The following NUP214 variants were observed in gnomAD, a reference collection of about 807,000 sequenced individuals.
The protein encoded by NUP214 is nucleoporin 214.
NUP214 carries 79 observed loss-of-function variants against 196.2 expected under a neutral mutation model. The ratio of observed to expected loss-of-function variants is 0.40; its 90% confidence interval spans 0.34 to 0.49. The LOEUF is 0.49. Among genes scored for constraint, NUP214 ranks in the 20% least tolerant of loss-of-function variants. NUP214 has a pLI of 0.58. For synonymous variants in NUP214, 1,020 were observed against 990.5 expected, an observed-to-expected ratio of 1.03 and a Z score of -0.56; for missense variants, 2,468 against 2,539.0, an observed-to-expected ratio of 0.97 and a Z score of 0.60.
chr9:131,223,881 C>T (rs1321803234), intron 32 of NUP214, among the ~76,000 whole-genome samples: 2 of 150,262 alleles, frequency 1.3e-5, no homozygotes, highest in East Asian at 2.0e-4. Context: ...ACTACAGGCG[C>T]CCGCCACCAC....
At position 131,127,586 on chromosome 9, in the gene NUP214, G is replaced by T. The variant is rs1831401386; in HGVS notation, c.108G>T (p.Lys36Asn). 6.2e-7 allele frequency: 1 copy of T among 1,614,134 alleles called. No homozygotes were observed. Among genetic ancestry groups the T allele is most frequent in the Non-Finnish European group, 8.5e-7 (1 of 1,179,988 alleles). ...TTGACTCCCCTGAGGAATTGCCCAA[G>T]GAACGCTCGAGTCTGCTTGCTGTGT... ...RIFDSPEELPKERSSLLAVSN... is the reference protein window; with the variant it reads ...RIFDSPEELPNERSSLLAVSN... The change falls in exon 2 of 36, where the codon AAG becomes AAT. Residue 36 changes from lysine to asparagine, a missense_variant. Coordinates refer to ENST00000359428, the MANE Select transcript of NUP214 (RefSeq NM_005085.4).
chr9:131,144,411 G>T lies in NUP214; in HGVS notation c.1426G>T (p.Gly476Cys), dbSNP rs1832018623. The change falls in exon 12 of 36, where the codon GGT (glycine) becomes TGT (cysteine). Residue 476 changes from glycine to cysteine, a missense_variant. Gly to Cys is a radical substitution (Grantham distance 159, BLOSUM62 -3). This residue lies in a region of NUP214 where 1,801 missense variants were observed against 1,779.4 expected (regional missense o/e 1.01). Coordinates refer to ENST00000359428, the MANE Select transcript of NUP214 (RefSeq NM_005085.4). ...TGCCACTTTTTCTTTGCTTCCTGCT[G>T]GTGGAGCCCCCACTGTGTTCTCCTT... ...PIATFSLLPA[G>C]GAPTVFSFGS... The T allele has an allele frequency of 6.2e-7, 1 of 1,613,956 alleles. No individual in the cohort carries two copies. Among genetic ancestry groups the T allele is most frequent in the South Asian group, 1.1e-5 (1 of 91,078 alleles).
In NUP214 at chr9:131,129,297, C is replaced by G. The variant is rs768509514; in HGVS notation, c.412C>G (p.Pro138Ala). 9.9e-6 allele frequency: 16 copies of G among 1,613,910 alleles called. No individual in the cohort carries two copies. The highest frequency in any genetic ancestry group is 1.4e-5 in the Non-Finnish European group (16 of 1,180,000). The change falls in exon 4 of 36, where the codon CCA (proline) becomes GCA (alanine). Residue 138 changes from proline (P) to alanine (A), a missense_variant. Pro to Ala is a conservative substitution (Grantham distance 27). Around this residue, in one of 5 missense-constraint regions of NUP214, gnomAD observed 392 missense variants for 417.9 expected, o/e 0.94. Coordinates refer to ENST00000359428, the MANE Select transcript of NUP214 (RefSeq NM_005085.4). ...TTAAAAGGCTAAACAGCAAAAACGC[C>G]CATTTGCCTATCATAAGCTTTTGAA... is the stretch of plus-strand genomic sequence containing the variant. ...FSNEAKQQKR[P>A]FAYHKLLKDA...
At chr9:131,205,430 G>A (rs1834050710) in intron 30 of NUP214, among the ~76,000 whole-genome samples, 1 of 152,292 alleles carries the variant, frequency 6.6e-6, no homozygotes, top group South Asian at 2.1e-4. Flanking sequence ...AAACCATTTG[G>A]CAGTATCAAA....
chr9:131,166,940 A>C (rs911152114), intron 21 of NUP214: 1 of 152,174 alleles, frequency 6.6e-6, no homozygotes, highest in Non-Finnish European at 1.5e-5. Context: ...TTATTCCTAA[A>C]TATTTCAGCA....
chr9:131,179,138 T>C (rs1449438382), intron 24 of NUP214, among the ~76,000 whole-genome samples: 1 of 152,166 alleles, frequency 6.6e-6, no homozygotes, highest in Admixed American at 6.5e-5. Context: ...CTGCTGGGAC[T>C]ACAGGCACAT....
Position 131,233,578 on chromosome 9 carries a change from G to A in NUP214, c.*91G>A, listed in dbSNP as rs754343334. 1.3e-5 allele frequency: 19 copies of A among 1,456,420 alleles called. No individual in the cohort carries two copies. The highest frequency in any genetic ancestry group is 1.7e-5 in the Non-Finnish European group (18 of 1,047,730). 90.2% of individuals were successfully genotyped at this position (1,456,420 alleles called of 1,614,324 possible). On this transcript the variant is annotated 3_prime_UTR_variant, in exon 36 of 36. Coordinates refer to ENST00000359428, the MANE Select transcript of NUP214 (RefSeq NM_005085.4). ...GCTGGAGCAGGCTGTTCAGACCGAC[G>A]TTGCCATCAAAACACATACACCCAG...
In NUP214 at chr9:131,125,930, C is replaced by A. The variant is rs1421816202; in HGVS notation, c.45+181C>A. On this transcript the variant is annotated intron_variant, in intron 1 of 35. Transcript: ENST00000359428. This position sits in a 1 kb window ranked among gnomAD's most constrained non-coding sequence, Gnocchi z 4.1. ...GTGATAGCCCCACCGAATGCAGTTT[C>A]CCAGTCCCATCCTGGTCTCGTGCAC... 1.4e-6 allele frequency: 1 copy of A among 716,252 alleles called. No homozygotes were observed. Among genetic ancestry groups the A allele is most frequent in the African/African-American group, 1.8e-5 (1 of 55,258 alleles). The allele number at this position is 716,252 out of a possible 1,614,324, so 44.4% of individuals were successfully genotyped here. A position where few individuals can be genotyped will look rare whatever the true frequency, so the allele number is the denominator to read the frequency against.
At position 131,184,354 on chromosome 9, in the gene NUP214, G is replaced by A. The variant is rs1465424366; in HGVS notation, c.3420-2935G>A. On this transcript the variant is annotated intron_variant, in intron 24 of 35. Coordinates refer to ENST00000359428, the MANE Select transcript of NUP214 (RefSeq NM_005085.4). ...CTCTCTCTTTTTTTTTTTTTTTTGA[G>A]ATGGAGTCTCGCTCTGTCACTCAGG... Among the ~76,000 whole-genome samples the A allele has an allele frequency of 7.1e-5, 9 of 126,900 alleles. No individual in the cohort carries two copies. In the East Asian group the frequency reaches 2.1e-3, roughly 30 times the overall value. The allele number at this position is 126,900 out of a possible 152,430, so 83.3% of individuals were successfully genotyped here. A position where few individuals can be genotyped will look rare whatever the true frequency, so the allele number is the denominator to read the frequency against.
At chr9:131,180,741 A>T (rs574101981) in intron 24 of NUP214, among the ~76,000 whole-genome samples, 1 of 152,334 alleles carries the variant, frequency 6.6e-6, no homozygotes, top group African/African-American at 2.4e-5. Context: ...TGCCCTGGGT[A>T]CTAGAGATAG....
chr9:131,133,094 T>C lies in NUP214; in HGVS notation c.728-12T>C. On this transcript the variant is annotated splice_polypyrimidine_tract_variant and intron_variant, in intron 6 of 35. Coordinates refer to ENST00000359428, the MANE Select transcript of NUP214 (RefSeq NM_005085.4). ...CATTTTTATGAGCTACTGATTAAGA[T>C]GTGTCTTTCAGTTCTGGATGTGCTG... is the stretch of plus-strand genomic sequence containing the variant. 2.5e-6 allele frequency: 4 copies of C among 1,594,274 alleles called. No homozygotes were observed. Among genetic ancestry groups the C allele is most frequent in the Non-Finnish European group, 3.4e-6 (4 of 1,162,660 alleles).
Position 131,198,080 on chromosome 9 carries a change from C to G in NUP214, c.4586C>G (p.Ala1529Gly). The G allele has an allele frequency of 6.2e-7, 1 of 1,614,220 alleles. No individual in the cohort carries two copies. The highest frequency in any genetic ancestry group is 1.1e-5 in the South Asian group (1 of 91,084). ...EEQQSAQLPQAPPQTSDSVKK... is the reference protein window; with the variant it reads ...EEQQSAQLPQGPPQTSDSVKK... The stretch of plus-strand genomic sequence containing the variant: ...CAACAGTCAGCCCAGCTTCCCCAGG[C>G]TCCTCCGCAAACTTCTGACTCTGTT... Residue 1529 changes from alanine to glycine, a missense_variant, in exon 29 of 36, where the codon GCT becomes GGT. Around this residue, in one of 5 missense-constraint regions of NUP214, gnomAD observed 1,801 missense variants for 1,779.4 expected, o/e 1.01. Coordinates refer to ENST00000359428, the MANE Select transcript of NUP214 (RefSeq NM_005085.4).
chr9:131,175,918 G>A (rs941741513), intron 23 of NUP214: 1 of 307,966 alleles, frequency 3.2e-6, no homozygotes, highest in African/African-American at 2.2e-5. Flanking sequence ...AATAATGTCT[G>A]CTTAGAGCCC....
intron 30 of NUP214, among the ~76,000 whole-genome samples, chr9:131,204,237 C>G (rs937136393): frequency 6.6e-6 from 1 of 152,164 alleles, no homozygotes; most frequent in Admixed American, 6.5e-5. Flanking sequence ...AAATCAAAGA[C>G]AAACTTGAAA....
intron 8 of NUP214, chr9:131,135,248 G>A: frequency 2.4e-6 from 1 of 416,386 alleles, no homozygotes; most frequent in Non-Finnish European, 4.2e-6. Flanking sequence ...ACCACACCTG[G>A]CTTATTTTTA....
intron 11 of NUP214, 100 bp downstream of exon 11, chr9:131,140,810 T>C (rs1253056525): frequency 4.1e-6 from 5 of 1,210,406 alleles, no homozygotes; most frequent in South Asian, 1.5e-5. Flanking sequence ...AGTGATTATC[T>C]TTACCAGCCT....
At chr9:131,152,214 C>T (rs1832292779) in intron 17 of NUP214, among the ~76,000 whole-genome samples, 1 of 152,062 alleles carries the variant, frequency 6.6e-6, no homozygotes, top group Admixed American at 6.6e-5. Context: ...CCTGGGCTTA[C>T]GTGATCCTCC....
rs754041189 is a variant in NUP214 at position 131,164,109 on chromosome 9, A to G, written c.2858A>G (p.Lys953Arg). 6.2e-7 allele frequency: 1 copy of G among 1,614,158 alleles called. No homozygotes were observed. Among genetic ancestry groups the G allele is most frequent in the Non-Finnish European group, 8.5e-7 (1 of 1,180,036 alleles). The change falls in exon 21 of 36, where the codon AAG becomes AGG. Residue 953 changes from lysine to arginine, a missense_variant. By Grantham distance (26) the Lys-to-Arg change is conservative. Coordinates refer to ENST00000359428, the MANE Select transcript of NUP214 (RefSeq NM_005085.4). The stretch of plus-strand genomic sequence containing the variant: ...GCACAACTGAGAAACTTCTTGGCCA[A>G]GAGGAAGACCCCACCAGTGAGATCC... The part of the protein sequence containing the change: ...KQAQLRNFLA[K>R]RKTPPVRSTA...
chr9:131,219,415 C>T (rs74506521), intron 31 of NUP214, among the ~76,000 whole-genome samples: 7,379 of 152,256 alleles, frequency 0.048, 250 homozygotes, highest in Non-Finnish European at 0.069. Flanking sequence ...ATTTATGCCC[C>T]GGGCTGCTTT....
Sources: allele counts gnomAD v4.1 joint callset (sites outside exome capture counted in the v4.1 genomes callset), GRCh38; gene constraint gnomAD v4.1.1; regional missense constraint gnomAD v4.1.1; non-coding constraint Gnocchi (gnomAD v3.1); transcripts MANE v1.5; gene names NCBI Gene and HGNC (gene_info 2026-07-23, HGNC 2026-07-21).